The following SYT8 variants were observed in gnomAD, a reference collection of about 807,000 sequenced individuals.
The protein encoded by SYT8 is synaptotagmin 8.
In SYT8, 50 loss-of-function variants were observed where a neutral mutation model predicts 34.9. That is an observed-to-expected ratio of 1.43 (90% CI 1.14 to 1.81). The LOEUF (loss-of-function observed/expected upper bound fraction) is 1.81, where lower values mean the gene tolerates loss of function less well. SYT8 is among the 40% of genes most tolerant of loss of function. SYT8 has a pLI of 0.00. For missense variants in SYT8, 595 were observed against 529.0 expected, an observed-to-expected ratio of 1.12 and a Z score of -1.22; for synonymous variants, 255 against 234.2, an observed-to-expected ratio of 1.09 and a Z score of -0.81.
Position 1,835,298 on chromosome 11 carries a change from C to T in SYT8, c.97C>T (p.Pro33Ser), listed in dbSNP as rs201712127. The change falls in exon 2 of 8, where the codon CCC becomes TCC. Residue 33 changes from proline (P) to serine (S), a missense_variant and splice_region_variant. Physicochemically the swap from Pro to Ser is moderately conservative, Grantham distance 74. Coordinates refer to ENST00000341958, the MANE Select transcript of SYT8 (RefSeq NM_001394072.1). ...ACTCAGCCTGGCCTCTACCCCAGGG[C>T]CCCGCTGGGCTCTCATTGCCGGCGC... The part of the protein sequence containing the change: ...IPDLVAGTPW[P>S]RWALIAGALA... The T allele has an allele frequency of 6.9e-6, 11 of 1,599,000 alleles. No homozygotes were observed. The highest frequency in any genetic ancestry group is 4.0e-5 in the African/African-American group (3 of 74,796).
rs1457159636 is a variant in SYT8 at position 1,836,273 on chromosome 11, T to C, written c.505T>C (p.Cys169Arg). 2 of 1,556,750 alleles carry C rather than the reference T, an allele frequency of 1.3e-6. No homozygotes were observed. The highest frequency in any genetic ancestry group is 2.7e-5 in the African/African-American group (2 of 72,974). Residue 169 changes from cysteine to arginine, a missense_variant, in exon 4 of 8, where the codon TGC becomes CGC. Coordinates refer to ENST00000341958, the MANE Select transcript of SYT8 (RefSeq NM_001394072.1). ...GTLCPVFDET[C>R]CFHIPQAELP... ...GCTCTGCCCCGTGTTTGACGAGACC[T>C]GCTGCTTCCACGTGAGTCAGGGATG...
chr11:1,837,171 C>T (rs768156231), intron 7 of SYT8, 21 bp from the exon 8 acceptor site: 28 of 1,586,300 alleles, frequency 1.8e-5, no homozygotes, highest in East Asian at 1.1e-4. Flanking sequence ...CAACTCCAAC[C>T]TCTGGCCTGT....
chr11:1,835,028 G>C lies in SYT8; in HGVS notation c.-78G>C, dbSNP rs866469139. The C allele has an allele frequency of 1.2e-5, 17 of 1,459,384 alleles. No homozygotes were observed. Among genetic ancestry groups the C allele is most frequent in the Middle Eastern group, 2.1e-4 (1 of 4,746 alleles). The allele number at this position is 1,459,384 out of a possible 1,614,324, so 90.4% of individuals were successfully genotyped here. A position where few individuals can be genotyped will look rare whatever the true frequency, so the allele number is the denominator to read the frequency against. ...GCTGCTGCTAGTCAGATGGGGTAGCGGGCAGGGGCCGGAGGGGCCACCCTC... is the reference window on the plus strand; with the variant it reads ...GCTGCTGCTAGTCAGATGGGGTAGCCGGCAGGGGCCGGAGGGGCCACCCTC... On this transcript the variant is annotated 5_prime_UTR_variant, in exon 1 of 8. Coordinates refer to ENST00000341958, the MANE Select transcript of SYT8 (RefSeq NM_001394072.1).
intron 6 of SYT8, 39 bp from the exon 7 acceptor site, chr11:1,836,918 G>T (rs373950767): frequency 1.9e-5 from 31 of 1,612,794 alleles, no homozygotes; most frequent in Non-Finnish European, 2.5e-5. Context: ...GCTCAGCCCC[G>T]AGCCCTGGGA....
Position 1,836,799 on chromosome 11 carries a change from C to T in SYT8, c.728C>T (p.Pro243Leu), listed in dbSNP as rs768369979. 3 of 1,611,122 alleles carry T rather than the reference C, an allele frequency of 1.9e-6. No homozygotes were observed. In the South Asian group the frequency reaches 3.3e-5, roughly 18 times the overall value. Residue 243 changes from proline (P) to leucine (L), a missense_variant, in exon 6 of 8, where the codon CCC becomes CTC. Transcript: ENST00000341958. Reference sequence around the variant, plus strand: ...CTGTGCTTCTCTCTCCGGTACGTGCCCAGCTCAGGCCGGCTGACCGTGGTG... The same window carrying T: ...CTGTGCTTCTCTCTCCGGTACGTGCTCAGCTCAGGCCGGCTGACCGTGGTG... ...GELCFSLRYV[P>L]SSGRLTVVVL...
rs781335849 is a variant in SYT8 at position 1,837,158 on chromosome 11, C to T, written c.925-34C>T. On this transcript the variant is annotated intron_variant, in intron 7 of 7. Coordinates refer to ENST00000341958, the MANE Select transcript of SYT8 (RefSeq NM_001394072.1). ...GACCACGATGACTGTGGTCTTTCTC[C>T]CCCAACTCCAACCTCTGGCCTGTCT... 4 of 1,592,324 alleles carry T rather than the reference C, an allele frequency of 2.5e-6. No homozygotes were observed. In the African/African-American group the frequency reaches 5.4e-5, roughly 21 times the overall value.
upstream of SYT8, chr11:1,834,110 G>A (rs1234903997): frequency 1.1e-5 from 2 of 179,060 alleles, no homozygotes; most frequent in African/African-American, 2.4e-5. This position sits in a 1 kb window ranked among gnomAD's most constrained non-coding sequence, Gnocchi z 4.5. Context: ...TGGAGCGGGT[G>A]GAGTCAGGGA....
chr11:1,834,511 C>T (rs1846789798), upstream of SYT8: 2 of 1,491,034 alleles, frequency 1.3e-6, no homozygotes, highest in Non-Finnish European at 1.8e-6. The surrounding 1 kb of genome is among the most constrained non-coding windows in gnomAD (Gnocchi z 4.5). Flanking sequence ...CAGCCCTGCT[C>T]CTCCCGCCAT....
At position 1,835,045 on chromosome 11, in the gene SYT8, G is replaced by GA. The variant is rs776902465; in HGVS notation, c.-61_-60insA. The GA allele has an allele frequency of 1.3e-6, 2 of 1,558,208 alleles. No homozygotes were observed. The highest frequency in any genetic ancestry group is 1.8e-6 in the Non-Finnish European group (2 of 1,133,422). The stretch of plus-strand genomic sequence containing the variant: ...GGGGTAGCGGGCAGGGGCCGGAGGG[G>GA]CCACCCTCCCAGCTGACCCAGCCTC... On this transcript the variant is annotated 5_prime_UTR_variant, in exon 1 of 8. Coordinates refer to ENST00000341958, the MANE Select transcript of SYT8 (RefSeq NM_001394072.1).
rs761729116 is a variant in SYT8 at position 1,836,802 on chromosome 11, G to C, written c.731G>C (p.Ser244Thr). Residue 244 changes from serine (S) to threonine (T), a missense_variant, in exon 6 of 8, where the codon AGC (serine) becomes ACC (threonine). Coordinates refer to ENST00000341958, the MANE Select transcript of SYT8 (RefSeq NM_001394072.1). ...ELCFSLRYVP[S>T]SGRLTVVVLE... ...TGCTTCTCTCTCCGGTACGTGCCCAGCTCAGGCCGGCTGACCGTGGTGGTG... is the reference window on the plus strand; with the variant it reads ...TGCTTCTCTCTCCGGTACGTGCCCACCTCAGGCCGGCTGACCGTGGTGGTG... 6.2e-7 allele frequency: 1 copy of C among 1,611,106 alleles called. No homozygotes were observed. Among genetic ancestry groups the C allele is most frequent in the Non-Finnish European group, 8.5e-7 (1 of 1,179,974 alleles).
chr11:1,837,482 C>G lies in SYT8; in HGVS notation c.*51C>G. On this transcript the variant is annotated 3_prime_UTR_variant, in exon 8 of 8. Coordinates refer to ENST00000341958, the MANE Select transcript of SYT8 (RefSeq NM_001394072.1). Reference sequence around the variant, plus strand: ...GCTGAGCCCAGGCACTTGCCCAGGCCGCCCTGCAGGACCACTGCAATAAAC... The same window carrying G: ...GCTGAGCCCAGGCACTTGCCCAGGCGGCCCTGCAGGACCACTGCAATAAAC... The G allele has an allele frequency of 1.3e-6, 2 of 1,587,828 alleles. No homozygotes were observed. The highest frequency in any genetic ancestry group is 1.7e-6 in the Non-Finnish European group (2 of 1,171,898).
chr11:1,834,659 A>C (rs1280258337), upstream of SYT8: 1 of 1,540,582 alleles, frequency 6.5e-7, no homozygotes, highest in African/African-American at 1.4e-5. The surrounding 1 kb of genome is among the most constrained non-coding windows in gnomAD (Gnocchi z 4.5). Flanking sequence ...GGGACCGCAG[A>C]GATGAGACCC....
chr11:1,832,858 C>T (rs1397527933), upstream of SYT8, among the ~76,000 whole-genome samples: 1 of 152,090 alleles, frequency 6.6e-6, no homozygotes, highest in East Asian at 1.9e-4. Flanking sequence ...GGAGCTCTCC[C>T]CGCCCGGCCC....
Position 1,835,987 on chromosome 11 carries a change from G to A in SYT8, c.357+3G>A. ...AGTTCGACTTTGGAAGCCAGGAGGTGAAGGGCCCCGCTGCGCAGGACCAGC... is the reference window on the plus strand; with the variant it reads ...AGTTCGACTTTGGAAGCCAGGAGGTAAAGGGCCCCGCTGCGCAGGACCAGC... On this transcript the variant is annotated splice_donor_region_variant and intron_variant, in intron 3 of 7. Transcript: ENST00000341958. 6.2e-7 allele frequency: 1 copy of A among 1,605,660 alleles called. No individual in the cohort carries two copies. The highest frequency in any genetic ancestry group is 8.5e-7 in the Non-Finnish European group (1 of 1,177,314).
In SYT8 at chr11:1,836,869, T is replaced by A; in HGVS notation, c.790+8T>A. The A allele has an allele frequency of 6.2e-7, 1 of 1,611,792 alleles. No individual in the cohort carries two copies. The highest frequency in any genetic ancestry group is 8.5e-7 in the Non-Finnish European group (1 of 1,179,632). On this transcript the variant is annotated splice_region_variant and intron_variant, in intron 6 of 7. Transcript: ENST00000341958. The stretch of plus-strand genomic sequence containing the variant: ...TGCGTCCAGGACTTGCAGGTGAGGG[T>A]CACACCTGCCCACGTTGTTGTACAG...
Position 1,837,291 on chromosome 11 carries a change from C to T in SYT8, c.1024C>T (p.Leu342=). ...GGGTGCCCGGGCCTCGGGGCAGCCC[C>T]TGCAGCACTGGGCAGACATGCTGGC... ...HLGARASGQP[L]QHWADMLAHA... is the part of the protein sequence containing the mutation. Residue 342 remains leucine, a synonymous_variant, in exon 8 of 8, where the codon CTG becomes TTG. Coordinates refer to ENST00000341958, the MANE Select transcript of SYT8 (RefSeq NM_001394072.1). 6.3e-6 allele frequency: 10 copies of T among 1,590,204 alleles called. No homozygotes were observed. The highest frequency in any genetic ancestry group is 7.7e-6 in the Non-Finnish European group (9 of 1,173,236).
rs768369979 is a variant in SYT8, at chr11:1,836,799, C to A, written c.728C>A (p.Pro243His). The A allele has an allele frequency of 2.5e-6, 4 of 1,611,004 alleles. No individual in the cohort carries two copies. The African/African-American group carries it at 5.3e-5, about 21-fold the overall frequency. ...GELCFSLRYV[P>H]SSGRLTVVVL... ...CTGTGCTTCTCTCTCCGGTACGTGC[C>A]CAGCTCAGGCCGGCTGACCGTGGTG... The change falls in exon 6 of 8, where the codon CCC becomes CAC. Residue 243 changes from proline to histidine, a missense_variant. By Grantham distance (77) the Pro-to-His change is moderately conservative. Transcript: ENST00000341958.
At chr11:1,835,247 TG>T in intron 1 of SYT8, 48 bp downstream of exon 1, 1 of 1,607,066 alleles carries the variant, frequency 6.2e-7, no homozygotes, top group Non-Finnish European at 8.5e-7. Context: ...CCCAGCCAAG[TG>T]GGGGCTGCAG....
chr11:1,837,141 T>C (rs764278868), intron 7 of SYT8, 51 bp downstream of exon 7: 1 of 1,602,380 alleles, frequency 6.2e-7, no homozygotes, highest in Non-Finnish European at 8.5e-7. Flanking sequence ...CAGACCACGA[T>C]GACTGTGGTC....
Sources: allele counts gnomAD v4.1 joint callset (sites outside exome capture counted in the v4.1 genomes callset), GRCh38; gene constraint gnomAD v4.1.1; non-coding constraint Gnocchi (gnomAD v3.1); transcripts MANE v1.5; gene names NCBI Gene and HGNC (gene_info 2026-07-23, HGNC 2026-07-21).